Variants in NMBR observed in about 807,000 individuals in gnomAD.
The protein encoded by NMBR is neuromedin-B receptor.
In NMBR, 16 loss-of-function variants were observed where a neutral mutation model predicts 20.5. The observed-to-expected ratio is 0.78, with a 90% confidence interval of 0.53 to 1.19. NMBR has a LOEUF of 1.19. Ranked by LOEUF, NMBR falls within the 50% of genes most tolerant of loss-of-function variation. NMBR has a pLI of 0.00. For synonymous variants in NMBR, 212 were observed against 196.6 expected (o/e 1.08, Z -0.65); for missense variants, 582 against 499.1 (o/e 1.17, Z -1.58).
intron 1 of NMBR, among the ~76,000 whole-genome samples, chr6:142,092,502 T>C (rs1351933638): frequency 6.6e-6 from 1 of 152,102 alleles, no homozygotes; most frequent in African/African-American, 2.4e-5. Flanking sequence ...GGGTGGGAAG[T>C]GATTCCTACT....
intron 1 of NMBR, among the ~76,000 whole-genome samples, chr6:142,132,927 C>T (rs1043571665): frequency 6.6e-6 from 1 of 152,108 alleles, no homozygotes; most frequent in East Asian, 1.9e-4. Context: ...TGGCCACATG[C>T]TCTCTGCTTT....
chr6:142,138,122 G>T (rs947905306), intron 1 of NMBR, among the ~76,000 whole-genome samples: 1 of 152,028 alleles, frequency 6.6e-6, no homozygotes, highest in African/African-American at 2.4e-5. Context: ...TTGATTTAGT[G>T]TATTTCTTTT....
intron 1 of NMBR, chr6:142,135,068 T>C (rs980018001): frequency 2.0e-5 from 8 of 390,488 alleles, no homozygotes; most frequent in East Asian, 3.7e-5. Flanking sequence ...GGTTGTAAGG[T>C]AAGGATTCTT....
chr6:142,128,374 A>G (rs932265195), intron 1 of NMBR, among the ~76,000 whole-genome samples: 4 of 151,992 alleles, frequency 2.6e-5, no homozygotes, highest in Admixed American at 2.6e-4. Context: ...TTTGGGTCCA[A>G]TTGCTCTGGT....
At chr6:142,100,883 C>T (rs185548484) in intron 1 of NMBR, among the ~76,000 whole-genome samples, 4 of 152,186 alleles carry the variant, frequency 2.6e-5, no homozygotes, top group Admixed American at 2.6e-4. Context: ...GTTCAGACTG[C>T]TATAATAAAA....
chr6:142,132,179 G>A (rs1466593144), intron 1 of NMBR, among the ~76,000 whole-genome samples: 3 of 152,172 alleles, frequency 2.0e-5, no homozygotes, highest in Non-Finnish European at 4.4e-5. Context: ...AGAAAGCAAT[G>A]ACATTGTCTG....
In NMBR at chr6:142,078,895, G is replaced by T. The variant is rs768787948; in HGVS notation, c.431C>A (p.Ala144Asp). 1 of 1,595,958 alleles carries T rather than the reference G, an allele frequency of 6.3e-7. No individual in the cohort carries two copies. The highest frequency in any genetic ancestry group is 2.2e-5 in the East Asian group (1 of 44,530). Residue 144 changes from alanine to aspartate, a missense_variant, in exon 3 of 4, where the codon GCC becomes GAC. Physicochemically the swap from Ala to Asp is moderately radical, Grantham distance 126 (BLOSUM62 -2). Transcript: ENST00000258042. ...CTGCATGTCCATGGGGTTAACGATG[G>T]CTCTGTACCTGGGAAAATGATACAT... Reference protein sequence around the residue: ...LTALSADRYRAIVNPMDMQTS... With the variant: ...LTALSADRYRDIVNPMDMQTS...
chr6:142,131,468 G>C (rs1279963854), intron 1 of NMBR, among the ~76,000 whole-genome samples: 1 of 152,128 alleles, frequency 6.6e-6, no homozygotes. Flanking sequence ...TATGCATTGA[G>C]AATCGCCCTT....
At chr6:142,111,791 T>C (rs1777768317) in intron 1 of NMBR, among the ~76,000 whole-genome samples, 1 of 152,204 alleles carries the variant, frequency 6.6e-6, no homozygotes, top group Non-Finnish European at 1.5e-5. Context: ...CGCCTCTGAA[T>C]TCCCATTTAA....
At chr6:142,126,261 C>G (rs79952728) in intron 1 of NMBR, among the ~76,000 whole-genome samples, 3,444 of 149,252 alleles carry the variant, frequency 0.023, 89 homozygotes, top group South Asian at 0.072. Context: ...CTCTCTCTCT[C>G]TGTGTGTGTG....
chr6:142,113,325 A>G (rs1197678089), intron 1 of NMBR, among the ~76,000 whole-genome samples: 1 of 152,152 alleles, frequency 6.6e-6, no homozygotes, highest in Non-Finnish European at 1.5e-5. Flanking sequence ...GTGGCATATG[A>G]AGACTTCATT....
chr6:142,106,238 A>G (rs1391532314), intron 1 of NMBR, among the ~76,000 whole-genome samples: 1 of 152,102 alleles, frequency 6.6e-6, no homozygotes, highest in African/African-American at 2.4e-5. Context: ...TCTTCCCAAA[A>G]TAGCAAGGAG....
intron 1 of NMBR, among the ~76,000 whole-genome samples, chr6:142,142,839 C>T (rs1329220407): frequency 1.3e-5 from 2 of 152,236 alleles, no homozygotes; most frequent in East Asian, 3.9e-4. Context: ...AATCCCAGCA[C>T]TTTTAGAGGT....
chr6:142,076,127 AAG>A, intron 3 of NMBR, 78 bp from the exon 4 acceptor site: 1 of 1,270,922 alleles, frequency 7.9e-7, no homozygotes, highest in East Asian at 2.4e-5. Context: ...CAAGTCAGGA[AAG>A]AGCAAAATTT....
At position 142,143,344 on chromosome 6, in the gene NMBR, G is replaced by A. The variant is rs9496282; in HGVS notation, c.-664+3700C>T. 1.0e-2 allele frequency among the ~76,000 whole-genome samples: 1,522 copies of A among 152,238 alleles called. 21 individuals carry two copies. The highest frequency in any genetic ancestry group is 0.033 in the African/African-American group (1,384 of 41,554). ...CTGTCGCCCAGGCTGGAGTGCAGTG[G>A]CACAATCTTGGCTCACTGCCACCTC... On this transcript the variant is annotated intron_variant, in intron 1 of 3. Coordinates refer to ENST00000258042, the MANE Select transcript of NMBR (RefSeq NM_002511.4).
In NMBR at chr6:142,078,976, A is replaced by AAAGAAAAGAAAGAAAGAT. The variant is rs1777021790; in HGVS notation, c.423-74_423-73insATCTTTCTTTCTTTTCTT. 5.5e-6 allele frequency: 6 copies of AAAGAAAAGAAAGAAAGAT among 1,085,728 alleles called. No homozygotes were observed. In the African/African-American group the frequency reaches 9.6e-5, roughly 17 times the overall value. The allele number at this position is 1,085,728 out of a possible 1,614,324, so 67.3% of individuals were successfully genotyped here. A position where few individuals can be genotyped will look rare whatever the true frequency, so the allele number is the denominator to read the frequency against. On this transcript the variant is annotated intron_variant, in intron 2 of 3. Transcript: ENST00000258042. ...AAAAGAGAAAGAAAAGAAAGAAAGA[A>AAAGAAAAGAAAGAAAGAT]AAAGAAAGGAAGAAAGGGAGAGAGA...
intron 2 of NMBR, among the ~76,000 whole-genome samples, chr6:142,087,722 T>C (rs1777225817): frequency 6.6e-6 from 1 of 152,216 alleles, no homozygotes; most frequent in African/African-American, 2.4e-5. Context: ...TTGGTTTTAC[T>C]TCTAAGAAAT....
chr6:142,135,237 A>G (rs1328921558), intron 1 of NMBR: 3 of 160,088 alleles, frequency 1.9e-5, no homozygotes, highest in African/African-American at 7.2e-5. Flanking sequence ...GTCTTTTTTT[A>G]CGAAGTGGAA....
intron 1 of NMBR, among the ~76,000 whole-genome samples, chr6:142,140,436 C>G (rs1217062960): frequency 1.3e-5 from 2 of 151,424 alleles, no homozygotes; most frequent in Non-Finnish European, 2.9e-5. Flanking sequence ...AGCAAACAAA[C>G]AAAATTAACT....
Sources: allele counts gnomAD v4.1 joint callset (sites outside exome capture counted in the v4.1 genomes callset), GRCh38; gene constraint gnomAD v4.1.1; transcripts MANE v1.5; gene names NCBI Gene and HGNC (gene_info 2026-07-23, HGNC 2026-07-21).